The following DPPA2 variants were observed in gnomAD, a reference collection of about 807,000 sequenced individuals.
DPPA2 encodes the protein developmental pluripotency associated 2.
DPPA2 carries 26 observed loss-of-function variants against 36.2 expected under a neutral mutation model. The ratio of observed to expected loss-of-function variants is 0.72; its 90% confidence interval spans 0.53 to 1.00. The LOEUF is 1.00. Among genes scored for constraint, DPPA2 ranks in the 50% least tolerant of loss-of-function variants. DPPA2 has a pLI of 0.00. For missense variants in DPPA2, 361 were observed against 365.1 expected, an observed-to-expected ratio of 0.99 and a Z score of 0.09; for synonymous variants, 113 against 123.2, an observed-to-expected ratio of 0.92 and a Z score of 0.55.
chr3:109,294,851 G>A (rs184435208), intron 8 of DPPA2, among the ~76,000 whole-genome samples: 1 of 152,044 alleles, frequency 6.6e-6, no homozygotes, highest in African/African-American at 2.4e-5. Context: ...GTGAAACCCT[G>A]TCTCTACTAA....
intron 6 of DPPA2, among the ~76,000 whole-genome samples, chr3:109,305,002 TGGG>T: frequency 6.6e-6 from 1 of 151,900 alleles, no homozygotes; most frequent in South Asian, 2.1e-4. Context: ...CAAAATTAGC[TGGG>T]CATGGTGGCA....
chr3:109,307,904 T>A, intron 6 of DPPA2, 128 bp downstream of exon 6: 1 of 1,257,502 alleles, frequency 8.0e-7, no homozygotes, highest in Non-Finnish European at 1.1e-6. Context: ...AGATGTCCCA[T>A]GTGAATCCAA....
chr3:109,304,492 G>C lies in DPPA2; in HGVS notation c.837C>G (p.Cys279Trp). Residue 279 changes from cysteine (C) to tryptophan (W), a missense_variant, in exon 7 of 9, where the codon TGC becomes TGG. Coordinates refer to ENST00000478945, the MANE Select transcript of DPPA2 (RefSeq NM_138815.4). The part of the protein sequence containing the change: ...PSPGIEDNML[C>W]PDCAKRNKKM... ...AGGGTTACCTCTTAGCACAGTCGGG[G>C]CATAACATATTATCTTCTATGCCTG... 9 of 1,613,246 alleles carry C rather than the reference G, an allele frequency of 5.6e-6. No individual in the cohort carries two copies. Among genetic ancestry groups the C allele is most frequent in the Non-Finnish European group, 6.8e-6 (8 of 1,179,622 alleles).
At chr3:109,294,583 T>C (rs1707318671) in intron 8 of DPPA2, among the ~76,000 whole-genome samples, 1 of 152,208 alleles carries the variant, frequency 6.6e-6, no homozygotes, top group South Asian at 2.1e-4. Flanking sequence ...GAGTTCTAAA[T>C]GTAAGCAGTT....
rs1291851600 is a variant in DPPA2, at chr3:109,293,974, A to G, written c.*53T>C. 1 of 152,202 alleles carries G rather than the reference A, an allele frequency of 6.6e-6. No homozygotes were observed. The highest frequency in any genetic ancestry group is 1.5e-5 in the Non-Finnish European group (1 of 68,050). The allele number at this position is 152,202 out of a possible 1,614,324, so 9.4% of individuals were successfully genotyped here. On this transcript the variant is annotated 3_prime_UTR_variant, in exon 9 of 9. Transcript: ENST00000478945. ...CTTCCACTCCTTCGTAATAGGTTAC[A>G]TGATCTGAAAGTACATCCCTCCTTT...
intron 8 of DPPA2, among the ~76,000 whole-genome samples, chr3:109,298,922 T>C (rs1707407594): frequency 6.6e-6 from 1 of 152,020 alleles, no homozygotes; most frequent in Admixed American, 6.6e-5. Context: ...GGTGTGTGTC[T>C]GTAGTCCCAG....
At chr3:109,309,843 A>G (rs1407826044) in intron 3 of DPPA2, among the ~76,000 whole-genome samples, 1 of 152,030 alleles carries the variant, frequency 6.6e-6, no homozygotes, top group African/African-American at 2.4e-5. Flanking sequence ...TGGGAGGCTG[A>G]GGCAAATTCG....
chr3:109,310,657 C>T lies in DPPA2; in HGVS notation c.182-1327G>A, dbSNP rs546365753. Among the ~76,000 whole-genome samples, 49 of 151,766 alleles carry T rather than the reference C, an allele frequency of 3.2e-4. No individual in the cohort carries two copies. The East Asian group carries it at 8.9e-3, about 28-fold the overall frequency. Reference sequence around the variant, plus strand: ...AGTAGGTGGGACTACAGGCACGCGCCACCATGCCCAGCTAATTTTTGTATT... The same window carrying T: ...AGTAGGTGGGACTACAGGCACGCGCTACCATGCCCAGCTAATTTTTGTATT... On this transcript the variant is annotated intron_variant, in intron 3 of 8. Coordinates refer to ENST00000478945, the MANE Select transcript of DPPA2 (RefSeq NM_138815.4).
Position 109,308,047 on chromosome 3 carries a change from A to G in DPPA2, c.643T>C (p.Leu215=), listed in dbSNP as rs918227029. ...CSIPVSVEAF[L]MQASGVRWCV... ...TTGATCTTACCAGAGGCTTGCATCA[A>G]AAAGGCCTCAACAGAAACAGGAATG... Residue 215 remains leucine, a synonymous_variant, in exon 6 of 9, where the codon TTG becomes CTG. Transcript: ENST00000478945. The G allele has an allele frequency of 6.2e-7, 1 of 1,614,140 alleles. No homozygotes were observed. The highest frequency in any genetic ancestry group is 1.3e-5 in the African/African-American group (1 of 75,070).
At chr3:109,305,793 C>G (rs2699957) in intron 6 of DPPA2, among the ~76,000 whole-genome samples, 1 of 138,832 alleles carries the variant, frequency 7.2e-6, no homozygotes, top group Admixed American at 7.3e-5. Context: ...AAAAAAAAAA[C>G]GCGTAAGGAA....
intron 3 of DPPA2, among the ~76,000 whole-genome samples, chr3:109,310,068 A>T (rs1559699054): frequency 1.3e-5 from 2 of 151,702 alleles, no homozygotes; most frequent in Non-Finnish European, 2.9e-5. Context: ...ACTAAAAAAA[A>T]AAATTCAAAA....
chr3:109,312,788 C>G, intron 2 of DPPA2, 96 bp from the exon 3 acceptor site: 1 of 1,414,748 alleles, frequency 7.1e-7, no homozygotes. Context: ...ACTGAGAAGA[C>G]AGTAGGTGGA....
At chr3:109,296,586 A>G (rs2107299031) in intron 8 of DPPA2, among the ~76,000 whole-genome samples, 1 of 152,284 alleles carries the variant, frequency 6.6e-6, no homozygotes, top group East Asian at 1.9e-4. Flanking sequence ...GAGACAGGAG[A>G]ATTGTTTGAA....
intron 3 of DPPA2, among the ~76,000 whole-genome samples, chr3:109,309,774 T>C (rs955526070): frequency 2.0e-5 from 3 of 146,518 alleles, no homozygotes; most frequent in Non-Finnish European, 4.5e-5. Flanking sequence ...TTATTTCTCA[T>C]ATTAAAAATG....
At chr3:109,302,646 G>A (rs545514631) in intron 7 of DPPA2, among the ~76,000 whole-genome samples, 1 of 149,850 alleles carries the variant, frequency 6.7e-6, no homozygotes, top group South Asian at 2.1e-4. Flanking sequence ...TAGAGACGGG[G>A]TTTCATCATA....
rs1036914783 is a variant in DPPA2 at position 109,312,654 on chromosome 3, C to G, written c.72G>C (p.Val24=). ...LEGEVDDEES[V]ILTLVPVKDD... ...CTTTAACTGGCACCAGTGTCAAAAT[C>G]ACACTTTCCTCATCATCTACTTCCC... Residue 24 remains valine, a synonymous_variant, in exon 3 of 9, where the codon GTG becomes GTC. Transcript: ENST00000478945. 2.5e-6 allele frequency: 4 copies of G among 1,613,782 alleles called. No homozygotes were observed. Among genetic ancestry groups the G allele is most frequent in the Non-Finnish European group, 3.4e-6 (4 of 1,179,862 alleles).
intron 8 of DPPA2, among the ~76,000 whole-genome samples, chr3:109,299,585 C>T (rs926517092): frequency 1.1e-4 from 17 of 149,790 alleles, no homozygotes; most frequent in African/African-American, 3.2e-4. Flanking sequence ...ACTTGGGAGG[C>T]GGAGGCAGGC....
At position 109,309,333 on chromosome 3, in the gene DPPA2, A is replaced by C. The variant is rs1707652728; in HGVS notation, c.182-3T>G. 2 of 1,613,888 alleles carry C rather than the reference A, an allele frequency of 1.2e-6. No homozygotes were observed. Among genetic ancestry groups the C allele is most frequent in the Non-Finnish European group, 1.7e-6 (2 of 1,179,820 alleles). On this transcript the variant is annotated splice_polypyrimidine_tract_variant and splice_region_variant and intron_variant, in intron 3 of 8. Transcript: ENST00000478945. ...CTCATTTGTTTGAAGTAGATGACCT[A>C]AGACAAGAATGGAACCAAAGTAGTA...
At chr3:109,311,613 G>A (rs1023184482) in intron 3 of DPPA2, among the ~76,000 whole-genome samples, 1 of 151,882 alleles carries the variant, frequency 6.6e-6, no homozygotes, top group African/African-American at 2.4e-5. Flanking sequence ...GGTGGTGGGC[G>A]CCTGTAATTA....
Sources: gnomAD v4.1 joint callset for allele counts (sites outside exome capture counted in the v4.1 genomes callset) on GRCh38, gnomAD v4.1.1 for gene constraint, MANE v1.5 for transcripts, NCBI Gene and HGNC (gene_info 2026-07-23, HGNC 2026-07-21) for gene names.